The following TMEM156 variants were observed in gnomAD, a reference collection of about 807,000 sequenced individuals.
TMEM156 encodes transmembrane protein 156.
Under a neutral mutation model 30.5 loss-of-function variants are expected in TMEM156, and 28 were observed. The ratio of observed to expected loss-of-function variants is 0.92; its 90% CI spans 0.68 to 1.26. TMEM156 has a LOEUF of 1.26. Ranked by LOEUF, TMEM156 falls within the 50% of genes most tolerant of loss-of-function variation. TMEM156 has a pLI of 0.00. For synonymous variants in TMEM156, 137 were observed against 119.9 expected (o/e 1.14, Z -0.93); for missense variants, 351 against 340.6 (o/e 1.03, Z -0.24).
chr4:39,003,333 A>ATTTAT (rs933784619), intron 1 of TMEM156, among the ~76,000 whole-genome samples: 15 of 151,944 alleles, frequency 9.9e-5, no homozygotes, highest in Non-Finnish European at 1.9e-4. Context: ...TAATATATTT[A>ATTTAT]TTTATTTTAT....
chr4:39,027,691 G>A (rs1448050558), intron 1 of TMEM156, among the ~76,000 whole-genome samples: 2 of 151,046 alleles, frequency 1.3e-5, no homozygotes, highest in Non-Finnish European at 1.5e-5. Context: ...GAGTAGCTGG[G>A]ATTACAGGCA....
At chr4:39,027,639 T>G (rs1227924273) in intron 1 of TMEM156, among the ~76,000 whole-genome samples, 2 of 142,464 alleles carry the variant, frequency 1.4e-5, no homozygotes, top group Non-Finnish European at 3.0e-5. Context: ...CACTGCAACC[T>G]CTGCCTCCCA....
intron 1 of TMEM156, among the ~76,000 whole-genome samples, chr4:39,024,123 C>T (rs1338294589): frequency 2.6e-5 from 4 of 152,222 alleles, no homozygotes; most frequent in Non-Finnish European, 4.4e-5. Flanking sequence ...GCAACCTCCG[C>T]CCCCTGGGTT....
chr4:39,003,001 T>C (rs1333290844), intron 1 of TMEM156, among the ~76,000 whole-genome samples: 1 of 151,934 alleles, frequency 6.6e-6, no homozygotes, highest in Admixed American at 6.6e-5. Context: ...ACCTGCACAA[T>C]GTGCACATGT....
rs566151815 is a variant in TMEM156 at position 38,990,423 on chromosome 4, A to G, written c.620-1453T>C. Among the ~76,000 whole-genome samples, 3 of 152,350 alleles carry G rather than the reference A, an allele frequency of 2.0e-5. No homozygotes were observed. In the South Asian group the frequency reaches 6.2e-4, roughly 32 times the overall value. On this transcript the variant is annotated intron_variant, in intron 3 of 6. Transcript: ENST00000381938. Reference sequence around the variant, plus strand: ...GCAAAATAAAAGCATGAAGTTAAATAGCAGAGAACACTGGCAGTGCCAGCA... The same window carrying G: ...GCAAAATAAAAGCATGAAGTTAAATGGCAGAGAACACTGGCAGTGCCAGCA...
At chr4:39,016,387 A>C (rs2249826) in intron 1 of TMEM156, among the ~76,000 whole-genome samples, 22,260 of 121,276 alleles carry the variant, frequency 0.18, 3,160 homozygotes, top group African/African-American at 0.44. Context: ...AAAAAAAAAG[A>C]AGAAGAAAGA....
At chr4:39,005,744 A>G (rs1260986760) in intron 1 of TMEM156, among the ~76,000 whole-genome samples, 1 of 152,242 alleles carries the variant, frequency 6.6e-6, no homozygotes, top group Non-Finnish European at 1.5e-5. Context: ...TGATGTTAAA[A>G]TAATGCTACT....
Position 38,991,951 on chromosome 4 carries a change from C to A in TMEM156, c.619+1787G>T, listed in dbSNP as rs146556759. Among the ~76,000 whole-genome samples the A allele has an allele frequency of 3.4e-3, 520 of 152,238 alleles. 21 individuals carry two copies. The East Asian group carries it at 0.09, about 26-fold the overall frequency. On this transcript the variant is annotated intron_variant, in intron 3 of 6. Transcript: ENST00000381938. ...CTACTCAGATCCTCTTCCATAGCCC[C>A]CACTCATGCACACACCTTGAAATGA...
intron 1 of TMEM156, among the ~76,000 whole-genome samples, chr4:39,022,144 T>C (rs1265021179): frequency 6.6e-6 from 1 of 152,216 alleles, no homozygotes; most frequent in Non-Finnish European, 1.5e-5. Flanking sequence ...CCAAAGTGAC[T>C]TTAACTACAT....
chr4:38,984,333 G>GTCTC (rs1194096991), intron 5 of TMEM156, among the ~76,000 whole-genome samples: 12 of 141,854 alleles, frequency 8.5e-5, no homozygotes, highest in African/African-American at 1.3e-4. Context: ...CTTTCTCTCT[G>GTCTC]TCTCTCTCTC....
At position 39,027,763 on chromosome 4, in the gene TMEM156, T is replaced by TC. The variant is rs200288973; in HGVS notation, c.88+4462_88+4463insG. ...TTTCTGTCTTTTTTCTTTTTCTTTT[T>TC]TTTTTTTTTTTGAGAAGAAGTCTCG... On this transcript the variant is annotated intron_variant, in intron 1 of 6. Transcript: ENST00000381938. Among the ~76,000 whole-genome samples, 1,358 of 148,050 alleles carry TC rather than the reference T, an allele frequency of 9.2e-3. 31 individuals carry two copies. The highest frequency in any genetic ancestry group is 0.031 in the African/African-American group (1,267 of 40,532).
intron 1 of TMEM156, among the ~76,000 whole-genome samples, chr4:39,026,174 G>A (rs984961746): frequency 1.3e-5 from 2 of 152,068 alleles, no homozygotes; most frequent in Non-Finnish European, 2.9e-5. Context: ...AGTGATAGGA[G>A]AAAAGAAACA....
chr4:38,989,558 G>T (rs181764324), intron 3 of TMEM156, among the ~76,000 whole-genome samples: 153 of 152,302 alleles, frequency 1.0e-3, no homozygotes, highest in African/African-American at 3.4e-3. Flanking sequence ...AAACGTAGTT[G>T]CCCTGGCCTA....
intron 6 of TMEM156, among the ~76,000 whole-genome samples, chr4:38,969,046 A>G (rs778214600): frequency 2.0e-5 from 3 of 152,228 alleles, no homozygotes; most frequent in Non-Finnish European, 4.4e-5. Flanking sequence ...CTATGTATAT[A>G]ATGCATAGTG....
At chr4:39,020,369 T>C (rs966441203) in intron 1 of TMEM156, among the ~76,000 whole-genome samples, 4 of 152,066 alleles carry the variant, frequency 2.6e-5, no homozygotes, top group Non-Finnish European at 5.9e-5. Flanking sequence ...CCTTCAAATA[T>C]AACCAGGAGT....
rs1166768196 is a variant in TMEM156, at chr4:39,020,674, C to G, written c.88+11552G>C. 2.0e-5 allele frequency among the ~76,000 whole-genome samples: 3 copies of G among 152,154 alleles called. No individual in the cohort carries two copies. In the East Asian group the frequency reaches 5.8e-4, roughly 29 times the overall value. The stretch of plus-strand genomic sequence containing the variant: ...GAGCAATTCTCCTGCTTCAGCCTCC[C>G]GAGTAGCTGTGACAACAGGCACATG... On this transcript the variant is annotated intron_variant, in intron 1 of 6. Transcript: ENST00000381938.
rs1277778857 is a variant in TMEM156 at position 39,001,342 on chromosome 4, G to A, written c.89-2433C>T. Among the ~76,000 whole-genome samples, 8 of 149,534 alleles carry A rather than the reference G, an allele frequency of 5.3e-5. 1 individual carries two copies. The highest frequency in any genetic ancestry group is 2.1e-4 in the South Asian group (1 of 4,750). ...GCAGATCTTGCAGTGAACCGAGATC[G>A]TGCCACTGCACTCCAGCCTGGGTGA... On this transcript the variant is annotated intron_variant, in intron 1 of 6. Coordinates refer to ENST00000381938, the MANE Select transcript of TMEM156 (RefSeq NM_024943.3).
intron 1 of TMEM156, among the ~76,000 whole-genome samples, chr4:39,020,795 A>G (rs545300096): frequency 2.0e-5 from 3 of 152,058 alleles, no homozygotes; most frequent in South Asian, 4.2e-4. Flanking sequence ...TGATCTGCCC[A>G]CCTCAGCCTC....
At chr4:38,989,010 A>G (rs1416134050) in intron 3 of TMEM156, 40 bp from the exon 4 acceptor site, 1 of 1,590,598 alleles carries the variant, frequency 6.3e-7, no homozygotes, top group South Asian at 1.1e-5. Context: ...CAGTAAAATT[A>G]TTCAACAGAT....
Sources: allele counts gnomAD v4.1 joint callset (sites outside exome capture counted in the v4.1 genomes callset), GRCh38; gene constraint gnomAD v4.1.1; transcripts MANE v1.5; gene names NCBI Gene and HGNC (gene_info 2026-07-23, HGNC 2026-07-21).